The following VTI1A variants were observed in gnomAD, a reference collection of about 807,000 sequenced individuals.
VTI1A encodes vesicle transport through interaction with t-SNAREs homolog 1A.
Under a neutral mutation model 34.9 loss-of-function variants are expected in VTI1A, and 22 were observed. The observed-to-expected ratio is 0.63, with a 90% CI of 0.45 to 0.90. The LOEUF (loss-of-function observed/expected upper bound fraction) is 0.90. Among genes scored for constraint, VTI1A ranks in the 40% least tolerant of loss-of-function variants. The pLI, the probability that VTI1A is intolerant of heterozygous loss-of-function variation, is 0.00. For missense variants in VTI1A, 268 were observed against 275.6 expected, an observed-to-expected ratio of 0.97 and a Z score of 0.20; for synonymous variants, 87 against 97.3, an observed-to-expected ratio of 0.89 and a Z score of 0.62.
intron 7 of VTI1A, among the ~76,000 whole-genome samples, chr10:112,706,062 G>C (rs7898046): frequency 6.6e-6 from 1 of 152,006 alleles, no homozygotes; most frequent in Non-Finnish European, 1.5e-5. Context: ...ATTCCTTTCC[G>C]TAGCAAACCT....
chr10:112,447,043 AGGGGGG>A, upstream of VTI1A: 1 of 307,800 alleles, frequency 3.2e-6, no homozygotes, highest in African/African-American at 2.0e-5. Flanking sequence ...CAGAACACGA[AGGGGGG>A]AAAAAACGCT....
At chr10:112,509,837 G>A (rs1849549231) in intron 3 of VTI1A, among the ~76,000 whole-genome samples, 2 of 152,226 alleles carry the variant, frequency 1.3e-5, no homozygotes, top group African/African-American at 4.8e-5. Flanking sequence ...ATTCCTGCCA[G>A]TAACCAGTGA....
intron 3 of VTI1A, among the ~76,000 whole-genome samples, chr10:112,486,320 C>G (rs2134111223): frequency 6.6e-6 from 1 of 152,272 alleles, no homozygotes; most frequent in Admixed American, 6.5e-5. Flanking sequence ...ACTTTGGGGC[C>G]TCCCTTTTTC....
At chr10:112,528,938 A>G (rs548819055) in intron 4 of VTI1A, among the ~76,000 whole-genome samples, 1 of 152,078 alleles carries the variant, frequency 6.6e-6, no homozygotes, top group Non-Finnish European at 1.5e-5. Context: ...CCTTGCGTAC[A>G]TATAAGTATG....
At chr10:112,548,991 C>T in intron 5 of VTI1A, 1 of 615,844 alleles carries the variant, frequency 1.6e-6, no homozygotes, top group Non-Finnish European at 2.8e-6. Flanking sequence ...CCCTGCCCTC[C>T]TGCCTTCTCT....
intron 3 of VTI1A, among the ~76,000 whole-genome samples, chr10:112,475,982 C>T (rs912620191): frequency 6.6e-6 from 1 of 152,152 alleles, no homozygotes; most frequent in African/African-American, 2.4e-5. Context: ...TTAAAGAGAT[C>T]CAATGGTCCC....
At chr10:112,473,739 G>T (rs1342334934) in intron 3 of VTI1A, among the ~76,000 whole-genome samples, 1 of 152,068 alleles carries the variant, frequency 6.6e-6, no homozygotes, top group Non-Finnish European at 1.5e-5. Context: ...TATTTTCTCT[G>T]TGTTAGAATG....
rs1022424948 is a variant in VTI1A at position 112,548,874 on chromosome 10, C to A, written c.427+10544C>A. 15 of 1,370,142 alleles carry A rather than the reference C, an allele frequency of 1.1e-5. No homozygotes were observed. The South Asian group carries it at 1.6e-4, about 15-fold the overall frequency. 84.9% of individuals were successfully genotyped at this position (1,370,142 alleles called of 1,614,324 possible). A position where few individuals can be genotyped will look rare whatever the true frequency, so the allele number is the denominator to read the frequency against. On this transcript the variant is annotated intron_variant, in intron 5 of 7. Coordinates refer to ENST00000393077, the MANE Select transcript of VTI1A (RefSeq NM_145206.4). Reference sequence around the variant, plus strand: ...GCTTTTTACCGGAACGGTGATCAATCACTTTTTAAAAAATCATTTTAGAAG... The same window carrying A: ...GCTTTTTACCGGAACGGTGATCAATAACTTTTTAAAAAATCATTTTAGAAG...
intron 3 of VTI1A, among the ~76,000 whole-genome samples, chr10:112,465,083 A>G (rs1847854213): frequency 6.6e-6 from 1 of 151,880 alleles, no homozygotes; most frequent in South Asian, 2.1e-4. Flanking sequence ...CCTGGGATAA[A>G]CTCCATAGAC....
At chr10:112,596,503 G>T (rs963941075) in intron 5 of VTI1A, among the ~76,000 whole-genome samples, 3 of 152,014 alleles carry the variant, frequency 2.0e-5, no homozygotes, top group South Asian at 2.1e-4. Flanking sequence ...ATTGCAGTAG[G>T]GATAGTTATT....
At chr10:112,661,316 A>G (rs1050084804) in intron 5 of VTI1A, among the ~76,000 whole-genome samples, 1 of 152,134 alleles carries the variant, frequency 6.6e-6, no homozygotes. Context: ...GGGTTTTGCC[A>G]TGTTGGCCAG....
intron 7 of VTI1A, among the ~76,000 whole-genome samples, chr10:112,741,035 AG>A (rs1850676895): frequency 6.6e-6 from 1 of 152,258 alleles, no homozygotes; most frequent in South Asian, 2.1e-4. Context: ...GCTCAGTAAA[AG>A]AAGCCAGATA....
chr10:112,737,642 G>T, intron 7 of VTI1A: 1 of 1,050,378 alleles, frequency 9.5e-7, no homozygotes, highest in Non-Finnish European at 1.1e-6. Context: ...TGAAACACAG[G>T]GGTACCTCAA....
chr10:112,787,652 A>G (rs1852327919), intron 7 of VTI1A, among the ~76,000 whole-genome samples: 1 of 150,950 alleles, frequency 6.6e-6, no homozygotes, highest in African/African-American at 2.4e-5. Flanking sequence ...TCAATTATCT[A>G]ATACTTAGGA....
At chr10:112,620,061 C>G (rs182053411) in intron 5 of VTI1A, among the ~76,000 whole-genome samples, 8 of 152,292 alleles carry the variant, frequency 5.3e-5, no homozygotes, top group Admixed American at 3.9e-4. Flanking sequence ...TCTGGAAATC[C>G]TGGTGACAGG....
intron 5 of VTI1A, among the ~76,000 whole-genome samples, chr10:112,649,630 A>C (rs1375961760): frequency 6.6e-6 from 1 of 152,160 alleles, no homozygotes; most frequent in African/African-American, 2.4e-5. Flanking sequence ...GCATTCCTTA[A>C]TGATGGGGAT....
At chr10:112,548,689 G>A (rs1851228871) in intron 5 of VTI1A, 1 of 1,253,848 alleles carries the variant, frequency 8.0e-7, no homozygotes, top group African/African-American at 1.5e-5. Context: ...CAGCCTTCTT[G>A]TCCACTGCTT....
At chr10:112,616,583 A>C (rs1276755905) in intron 5 of VTI1A, among the ~76,000 whole-genome samples, 1 of 152,190 alleles carries the variant, frequency 6.6e-6, no homozygotes, top group Non-Finnish European at 1.5e-5. Context: ...AATGAGAGTC[A>C]ACTCAAACAG....
At chr10:112,537,810 T>C (rs1284520557) in intron 4 of VTI1A, among the ~76,000 whole-genome samples, 2 of 152,204 alleles carry the variant, frequency 1.3e-5, no homozygotes, top group East Asian at 3.9e-4. Context: ...ATAAAGTTCC[T>C]GTTTTAAAAT....
Sources: allele counts gnomAD v4.1 joint callset (sites outside exome capture counted in the v4.1 genomes callset), GRCh38; gene constraint gnomAD v4.1.1; transcripts MANE v1.5; gene names NCBI Gene and HGNC (gene_info 2026-07-23, HGNC 2026-07-21).